PCDH15: variants seen among roughly 807,000 people sequenced by gnomAD.
PCDH15 encodes protocadherin-15.
PCDH15 carries 129 observed loss-of-function variants against 178.5 expected under a neutral mutation model. The ratio of observed to expected loss-of-function variants is 0.72; its 90% CI spans 0.63 to 0.84. The LOEUF (loss-of-function observed/expected upper bound fraction) is 0.84. PCDH15 is among the 40% of genes least tolerant of loss of function. The pLI is 0.00. For missense variants in PCDH15, 2,230 were observed against 2,099.9 expected, an observed-to-expected ratio of 1.06 and a Z score of -1.21; for synonymous variants, 800 against 732.0, an observed-to-expected ratio of 1.09 and a Z score of -1.50.
At chr10:55,162,284 G>T (rs1003472082) in intron 2 of PCDH15, among the ~76,000 whole-genome samples, 4 of 152,048 alleles carry the variant, frequency 2.6e-5, no homozygotes, top group South Asian at 2.1e-4. Flanking sequence ...ACTATGGTTG[G>T]TCTCATTTAT....
At chr10:55,247,072 C>G (rs1411570267) in intron 1 of PCDH15, among the ~76,000 whole-genome samples, 1 of 152,134 alleles carries the variant, frequency 6.6e-6, no homozygotes, top group Non-Finnish European at 1.5e-5. Flanking sequence ...ATGTTTTACA[C>G]AAATGAAGTT....
Position 54,229,825 on chromosome 10 carries a change from A to G in PCDH15, c.985+6998T>C, listed in dbSNP as rs188363542. Among the ~76,000 whole-genome samples the G allele has an allele frequency of 4.1e-3, 631 of 152,270 alleles. 7 individuals carry two copies. The highest frequency in any genetic ancestry group is 4.5e-3 in the Non-Finnish European group (309 of 68,016). On this transcript the variant is annotated intron_variant, in intron 9 of 37. Transcript: ENST00000644397. ...CATGAAAACGGAATAATATACTAAC[A>G]TACACACACAATCTTGCCTAAAGTT...
At chr10:54,598,529 C>T (rs931272019) in intron 2 of PCDH15, among the ~76,000 whole-genome samples, 1 of 152,088 alleles carries the variant, frequency 6.6e-6, no homozygotes, top group Non-Finnish European at 1.5e-5. Flanking sequence ...ACTGAATGGG[C>T]AAAAGCTGGA....
At chr10:55,376,823 T>C (rs1051479109) in intron 2 of PCDH15, among the ~76,000 whole-genome samples, 1 of 152,090 alleles carries the variant, frequency 6.6e-6, no homozygotes, top group Admixed American at 6.6e-5. Context: ...GATATGTTCT[T>C]CATCAGAAAT....
At chr10:55,197,490 T>G (rs1384721950) in intron 1 of PCDH15, among the ~76,000 whole-genome samples, 1 of 152,074 alleles carries the variant, frequency 6.6e-6, no homozygotes, top group Non-Finnish European at 1.5e-5. Context: ...AGACTTGGAC[T>G]TCAACACTGT....
intron 1 of PCDH15, among the ~76,000 whole-genome samples, chr10:55,308,582 A>G (rs1158808468): frequency 6.6e-6 from 1 of 152,212 alleles, no homozygotes; most frequent in Non-Finnish European, 1.5e-5. Context: ...AGCAAAGAAA[A>G]TAATCGTTTA....
chr10:54,764,688 G>A (rs1175114004), intron 1 of PCDH15, among the ~76,000 whole-genome samples: 1 of 152,054 alleles, frequency 6.6e-6, no homozygotes, highest in Non-Finnish European at 1.5e-5. Flanking sequence ...TATGCTCTGA[G>A]TAAGAGGTAA....
At chr10:55,268,861 GA>G (rs965211600) in intron 1 of PCDH15, among the ~76,000 whole-genome samples, 81 of 152,006 alleles carry the variant, frequency 5.3e-4, no homozygotes, top group African/African-American at 1.9e-3. Context: ...TACTATTATG[GA>G]AAGAAATAAA....
At chr10:54,919,323 A>G (rs983291493) in intron 2 of PCDH15, among the ~76,000 whole-genome samples, 1 of 152,178 alleles carries the variant, frequency 6.6e-6, no homozygotes, top group Non-Finnish European at 1.5e-5. Flanking sequence ...TATATAGGGC[A>G]AGATCAACAA....
rs571429005 is a variant in PCDH15 at position 54,486,940 on chromosome 10, A to G, written c.157+40872T>C. On this transcript the variant is annotated intron_variant, in intron 3 of 37. Transcript: ENST00000644397. ...GGCCATGGAATAATGTTGATCTGGG[A>G]GGAAGGTGAGTTAATGAGGTCTTCA... Among the ~76,000 whole-genome samples, 6 of 152,074 alleles carry G rather than the reference A, an allele frequency of 3.9e-5. No homozygotes were observed. In the South Asian group the frequency reaches 1.2e-3, roughly 32 times the overall value.
intron 8 of PCDH15, 122 bp downstream of exon 8, chr10:54,317,149 T>C: frequency 9.9e-7 from 1 of 1,006,420 alleles, no homozygotes; most frequent in Middle Eastern, 2.7e-4. Flanking sequence ...GACATAAATA[T>C]TTTTCAATGT....
At chr10:53,881,989 CT>C (rs5785025) in intron 26 of PCDH15, among the ~76,000 whole-genome samples, 92,301 of 138,126 alleles carry the variant, frequency 0.67, 30,691 homozygotes, top group East Asian at 0.87. Flanking sequence ...TGCCCACTTG[CT>C]TTTTTTTTTT....
chr10:54,332,284 ATAATC>A, intron 6 of PCDH15, among the ~76,000 whole-genome samples: 1 of 112,412 alleles, frequency 8.9e-6, no homozygotes, highest in Non-Finnish European at 1.8e-5. Flanking sequence ...ATAATATAAT[ATAATC>A]TATATTACAT....
In PCDH15 at chr10:54,061,921, A is replaced by T. The variant is rs117211197; in HGVS notation, c.2220+4836T>A. Among the ~76,000 whole-genome samples the T allele has an allele frequency of 3.4e-3, 511 of 152,228 alleles. 9 individuals are homozygous for T. The East Asian group carries it at 0.038, about 11-fold the overall frequency. Reference sequence around the variant, plus strand: ...CTTAGTTATTATTTGTTACTACAACACTACCTTTAAAAACTAAATGAGGCC... The same window carrying T: ...CTTAGTTATTATTTGTTACTACAACTCTACCTTTAAAAACTAAATGAGGCC... On this transcript the variant is annotated intron_variant, in intron 18 of 37. Coordinates refer to ENST00000644397, the MANE Select transcript of PCDH15 (RefSeq NM_001384140.1).
intron 2 of PCDH15, among the ~76,000 whole-genome samples, chr10:55,498,725 C>T (rs778217497): frequency 7.9e-5 from 12 of 151,772 alleles, no homozygotes; most frequent in Non-Finnish European, 1.5e-4. Context: ...TGACAGTGAC[C>T]TTTGTGATAG....
chr10:55,024,291 A>G (rs1044866286), intron 2 of PCDH15, among the ~76,000 whole-genome samples: 1 of 139,422 alleles, frequency 7.2e-6, no homozygotes, highest in African/African-American at 2.6e-5. Context: ...GAGTATATAT[A>G]TATGAATATA....
At chr10:54,369,586 A>C (rs1328676366) in intron 4 of PCDH15, among the ~76,000 whole-genome samples, 1 of 152,044 alleles carries the variant, frequency 6.6e-6, no homozygotes, top group African/African-American at 2.4e-5. Flanking sequence ...CCAAAGATTA[A>C]AGAAGCAATA....
At chr10:53,983,164 CA>C (rs1317120228) in intron 21 of PCDH15, among the ~76,000 whole-genome samples, 1 of 151,736 alleles carries the variant, frequency 6.6e-6, no homozygotes, top group African/African-American at 2.4e-5. Context: ...CAAAATCTCC[CA>C]AGTATGATTT....
At chr10:53,847,173 A>C (rs1340692433) in intron 28 of PCDH15, among the ~76,000 whole-genome samples, 1 of 152,082 alleles carries the variant, frequency 6.6e-6, no homozygotes, top group Non-Finnish European at 1.5e-5. Context: ...CATTAAATGC[A>C]CAAAAATCTA....
Sources: allele counts gnomAD v4.1 joint callset (sites outside exome capture counted in the v4.1 genomes callset), GRCh38; gene constraint gnomAD v4.1.1; transcripts MANE v1.5; gene names NCBI Gene and HGNC (gene_info 2026-07-23, HGNC 2026-07-21).